DNAH5: variants seen among roughly 807,000 people sequenced by gnomAD.
DNAH5 encodes the protein axonemal beta dynein heavy chain 5.
Under a neutral mutation model 518.2 loss-of-function variants are expected in DNAH5, and 372 were observed. The observed-to-expected ratio is 0.72, with a 90% CI of 0.66 to 0.78. The LOEUF is 0.78. Among genes scored for constraint, DNAH5 ranks in the 30% least tolerant of loss-of-function variants. DNAH5 has a pLI of 0.00. For synonymous variants in DNAH5, 2,039 were observed against 2,025.9 expected, an observed-to-expected ratio of 1.01 and a Z score of -0.17; for missense variants, 5,523 against 5,687.0, an observed-to-expected ratio of 0.97 and a Z score of 0.93.
At chr5:13,761,617 A>G (rs1751798870) in intron 60 of DNAH5, among the ~76,000 whole-genome samples, 3 of 150,816 alleles carry the variant, frequency 2.0e-5, no homozygotes, top group Admixed American at 1.3e-4. Context: ...GACACTATGC[A>G]TGGTTACCCA....
chr5:14,005,296 AG>A (rs2152086875), intron 1 of DNAH5, among the ~76,000 whole-genome samples: 1 of 152,346 alleles, frequency 6.6e-6, no homozygotes, highest in East Asian at 1.9e-4. Context: ...TGACAAAAAC[AG>A]TCCAGCGAAT....
At chr5:14,009,962 A>T (rs1785001108) in intron 1 of DNAH5, among the ~76,000 whole-genome samples, 1 of 152,240 alleles carries the variant, frequency 6.6e-6, no homozygotes, top group Non-Finnish European at 1.5e-5. Flanking sequence ...TATTCATTAT[A>T]GAAATGTTAA....
rs1561487829 is a variant in DNAH5 at position 13,876,786 on chromosome 5, G to T, written c.3294C>A (p.Pro1098=). The T allele has an allele frequency of 1.2e-6, 2 of 1,613,772 alleles. No homozygotes were observed. The highest frequency in any genetic ancestry group is 2.2e-5 in the South Asian group (2 of 91,068). Residue 1098 remains proline (P), a synonymous_variant, in exon 22 of 79, where the codon CCC becomes CCA. Coordinates refer to ENST00000265104, the MANE Select transcript of DNAH5 (RefSeq NM_001369.3). ...DTLEIASVNL[P]IPVQTKNYYK... Reference sequence around the variant, plus strand: ...AATAGTTCTTGGTTTGCACGGGAATGGGTAAATTTACAGATGCTATCTCCA... The same window carrying T: ...AATAGTTCTTGGTTTGCACGGGAATTGGTAAATTTACAGATGCTATCTCCA...
chr5:13,780,957 G>A lies in DNAH5; in HGVS notation c.8823C>T (p.Ile2941=), dbSNP rs780034079. ...FADAMVHLVK[I]SRVIRTPQGN... Reference sequence around the variant, plus strand: ...CCTGAGGAGTACGAATGACACGAGAGATCTGTAATATGGAACAGAAAAAGT... The same window carrying A: ...CCTGAGGAGTACGAATGACACGAGAAATCTGTAATATGGAACAGAAAAAGT... The change falls in exon 53 of 79, where the codon ATC becomes ATT. Residue 2941 remains isoleucine (I), a splice_region_variant and synonymous_variant. Coordinates refer to ENST00000265104, the MANE Select transcript of DNAH5 (RefSeq NM_001369.3). 6.2e-7 allele frequency: 1 copy of A among 1,613,550 alleles called. No individual in the cohort carries two copies. Among genetic ancestry groups the A allele is most frequent in the Non-Finnish European group, 8.5e-7 (1 of 1,179,676 alleles).
At chr5:13,810,691 T>C (rs921337596) in intron 44 of DNAH5, among the ~76,000 whole-genome samples, 2 of 151,728 alleles carry the variant, frequency 1.3e-5, no homozygotes, top group South Asian at 4.2e-4. Flanking sequence ...GAGGCGGAGC[T>C]TGCAGTGAGC....
rs542073696 is a variant in DNAH5 at position 13,791,560 on chromosome 5, T to C, written c.8448+434A>G. Among the ~76,000 whole-genome samples the C allele has an allele frequency of 9.8e-5, 15 of 152,310 alleles. No homozygotes were observed. In the East Asian group the frequency reaches 2.9e-3, roughly 29 times the overall value. ...AAATCATAGATGATTATCAACAAAA[T>C]GGGTTTTTTAATTTTGAATATTTAT... On this transcript the variant is annotated intron_variant, in intron 50 of 78. Transcript: ENST00000265104.
Position 13,914,642 on chromosome 5 carries a change from C to T in DNAH5, c.1198G>A (p.Val400Met), listed in dbSNP as rs144575803. 823 of 1,612,650 alleles carry T rather than the reference C, an allele frequency of 5.1e-4. 5 individuals are homozygous for T. In the Middle Eastern group the frequency reaches 5.5e-3, roughly 11 times the overall value. ...SEKITSLFVK[V>M]TNQIISACKA... Reference sequence around the variant, plus strand: ...CATGCAGATATAATCTGATTTGTCACCTGGGATTTTCCAATAAAATGATGT... The same window carrying T: ...CATGCAGATATAATCTGATTTGTCATCTGGGATTTTCCAATAAAATGATGT... The change falls in exon 10 of 79, where the codon GTG (valine) becomes ATG (methionine). Residue 400 changes from valine (V) to methionine (M), a missense_variant and splice_region_variant. Val to Met is a conservative substitution (Grantham distance 21). Transcript: ENST00000265104.
At chr5:13,807,451 A>G in intron 47 of DNAH5, 140 bp downstream of exon 47, 1 of 756,336 alleles carries the variant, frequency 1.3e-6, no homozygotes, top group Non-Finnish European at 2.2e-6. Flanking sequence ...AATAATTGAA[A>G]GAATGGAAGA....
chr5:13,885,810 T>C lies in DNAH5; in HGVS notation c.2743+154A>G, dbSNP rs77937662. Among the ~76,000 whole-genome samples, 2,332 of 152,308 alleles carry C rather than the reference T, an allele frequency of 0.015. 64 individuals are homozygous for C. The highest frequency in any genetic ancestry group is 0.052 in the African/African-American group (2,143 of 41,564). On this transcript the variant is annotated intron_variant, in intron 18 of 78. Transcript: ENST00000265104. ...TTAACAACATAGAGTCACTAAAATATGCTCAGGGCCATAATTTCAGATTTA... is the reference window on the plus strand; with the variant it reads ...TTAACAACATAGAGTCACTAAAATACGCTCAGGGCCATAATTTCAGATTTA...
At chr5:13,991,553 AGAGGAGGAG>A in intron 1 of DNAH5, among the ~76,000 whole-genome samples, 1 of 136,770 alleles carries the variant, frequency 7.3e-6, no homozygotes, top group Admixed American at 7.3e-5. Context: ...GGGAGGAGGA[AGAGGAGGAG>A]GAGGAAGAGG....
At position 13,829,390 on chromosome 5, in the gene DNAH5, C is replaced by T. The variant is rs1211538125; in HGVS notation, c.6444+120G>A. 9.6e-6 allele frequency: 9 copies of T among 939,678 alleles called. No individual in the cohort carries two copies. The East Asian group carries it at 1.8e-4, about 19-fold the overall frequency. The allele number at this position is 939,678 out of a possible 1,614,324, so 58.2% of individuals were successfully genotyped here. On this transcript the variant is annotated intron_variant, in intron 38 of 78. Transcript: ENST00000265104. The stretch of plus-strand genomic sequence containing the variant: ...ATTTTTGTAGTAATACACCTTTCTA[C>T]TCAGTGTCAATAAAATCCTTTGTCA...
intron 55 of DNAH5, among the ~76,000 whole-genome samples, chr5:13,775,704 T>C (rs1753989465): frequency 6.6e-6 from 1 of 152,090 alleles, no homozygotes; most frequent in Admixed American, 6.6e-5. Flanking sequence ...GTAGAGGCAA[T>C]GGTGAGGGCA....
At chr5:13,977,988 G>T (rs751563268) in intron 1 of DNAH5, among the ~76,000 whole-genome samples, 1 of 152,200 alleles carries the variant, frequency 6.6e-6, no homozygotes, top group Non-Finnish European at 1.5e-5. Context: ...TGTGGGAAAA[G>T]GCTGTGTATA....
intron 1 of DNAH5, among the ~76,000 whole-genome samples, chr5:14,000,265 CTG>C (rs1460559724): frequency 6.6e-6 from 1 of 152,168 alleles, no homozygotes; most frequent in East Asian, 1.9e-4. Flanking sequence ...AGCCGTGTGA[CTG>C]GAGTGATGCA....
chr5:13,920,396 A>G, intron 6 of DNAH5, 84 bp downstream of exon 6: 3 of 1,565,976 alleles, frequency 1.9e-6, no homozygotes, highest in Non-Finnish European at 2.6e-6. Flanking sequence ...TAACAAATGG[A>G]ATGTCGTATG....
At chr5:13,704,719 C>T (rs1037337884) in intron 76 of DNAH5, among the ~76,000 whole-genome samples, 9 of 152,174 alleles carry the variant, frequency 5.9e-5, no homozygotes, top group African/African-American at 1.9e-4. Context: ...TTCACCTCAT[C>T]CATAAATTTT....
intron 7 of DNAH5, among the ~76,000 whole-genome samples, chr5:13,918,197 T>C (rs372341399): frequency 6.6e-6 from 1 of 152,198 alleles, no homozygotes; most frequent in South Asian, 2.1e-4. Context: ...TTGCTCCCTT[T>C]AAGGGAAGCC....
chr5:13,850,718 T>TCATCTC lies in DNAH5; in HGVS notation c.5042_5047dup (p.Gly1681_Asp1682dup). 1 of 1,614,050 alleles carries TCATCTC rather than the reference T, an allele frequency of 6.2e-7. No homozygotes were observed. Among genetic ancestry groups the TCATCTC allele is most frequent in the Non-Finnish European group, 8.5e-7 (1 of 1,179,928 alleles). ...GTGTGGTAACAGCTGCCCCAGGGTC[T>TCATCTC]CATCTCCAACACAGCACTGGACTAC... On this transcript the variant is annotated inframe_insertion, in exon 31 of 79. Coordinates refer to ENST00000265104, the MANE Select transcript of DNAH5 (RefSeq NM_001369.3).
At chr5:13,936,087 C>T (rs1402429535) in intron 1 of DNAH5, among the ~76,000 whole-genome samples, 1 of 152,152 alleles carries the variant, frequency 6.6e-6, no homozygotes, top group African/African-American at 2.4e-5. Flanking sequence ...GAAAGGAGCT[C>T]TGCTTCCCAG....
Sources: allele counts gnomAD v4.1 joint callset (sites outside exome capture counted in the v4.1 genomes callset), GRCh38; gene constraint gnomAD v4.1.1; transcripts MANE v1.5; gene names NCBI Gene and HGNC (gene_info 2026-07-23, HGNC 2026-07-21).